Variants in NLGN1 observed in about 807,000 individuals in gnomAD.
NLGN1 encodes neuroligin 1.
Under a neutral mutation model 65.5 loss-of-function variants are expected in NLGN1, and 12 were observed. The ratio of observed to expected loss-of-function variants is 0.18; its 90% CI spans 0.12 to 0.30. The LOEUF (loss-of-function observed/expected upper bound fraction) is 0.30, where lower values mean the gene tolerates loss of function less well. Among genes scored for constraint, NLGN1 ranks in the 10% least tolerant of loss-of-function variants. NLGN1 has a pLI of 1.00. For missense variants in NLGN1, 750 were observed against 1,007.1 expected (o/e 0.74, Z 3.46); for synonymous variants, 350 against 359.5 (o/e 0.97, Z 0.30).
At chr3:173,524,147 C>T (rs895221162) in intron 2 of NLGN1, among the ~76,000 whole-genome samples, 17 of 151,394 alleles carry the variant, frequency 1.1e-4, no homozygotes, top group African/African-American at 2.4e-4. Context: ...AGGATGGTCT[C>T]GATCTCCTGA....
chr3:174,112,225 C>G (rs1576933007), intron 4 of NLGN1, among the ~76,000 whole-genome samples: 1 of 151,654 alleles, frequency 6.6e-6, no homozygotes, highest in African/African-American at 2.4e-5. Context: ...TGAAACTTTA[C>G]AAGGTTGAAA....
chr3:174,084,769 C>G (rs1054695016), intron 4 of NLGN1, among the ~76,000 whole-genome samples: 1 of 152,012 alleles, frequency 6.6e-6, no homozygotes, highest in Non-Finnish European at 1.5e-5. Context: ...AAAGTTTACA[C>G]TTTTGTAATT....
intron 4 of NLGN1, among the ~76,000 whole-genome samples, chr3:174,269,889 G>A (rs1203154057): frequency 6.6e-6 from 1 of 151,836 alleles, no homozygotes; most frequent in East Asian, 1.9e-4. Flanking sequence ...ATATCACAGT[G>A]TGGGTTTGAT....
intron 2 of NLGN1, among the ~76,000 whole-genome samples, chr3:173,562,444 G>C (rs993267697): frequency 6.6e-6 from 1 of 152,000 alleles, no homozygotes; most frequent in Non-Finnish European, 1.5e-5. Flanking sequence ...GTGCGCACCT[G>C]TAGTCCCAGC....
chr3:173,658,108 T>C (rs1760357210), intron 3 of NLGN1, among the ~76,000 whole-genome samples: 3 of 151,990 alleles, frequency 2.0e-5, no homozygotes, highest in Non-Finnish European at 4.4e-5. Context: ...ACAGGCATGG[T>C]GACAGTCTAC....
chr3:173,564,419 G>GAGT (rs1351214487), intron 2 of NLGN1, among the ~76,000 whole-genome samples: 2 of 152,200 alleles, frequency 1.3e-5, no homozygotes, highest in African/African-American at 4.8e-5. Context: ...TACTAACTGT[G>GAGT]TAAAACATTA....
chr3:173,846,937 A>C (rs4355309), intron 4 of NLGN1, among the ~76,000 whole-genome samples: 1 of 152,064 alleles, frequency 6.6e-6, no homozygotes, highest in African/African-American at 2.4e-5. Flanking sequence ...TCAAGGAATC[A>C]TGGTAGTAAA....
At chr3:173,632,388 C>G (rs1031727824) in intron 3 of NLGN1, among the ~76,000 whole-genome samples, 1 of 152,112 alleles carries the variant, frequency 6.6e-6, no homozygotes, top group Non-Finnish European at 1.5e-5. Flanking sequence ...AATCAAGTGA[C>G]GAAGTTCATC....
intron 3 of NLGN1, among the ~76,000 whole-genome samples, chr3:173,680,772 A>T (rs1438406989): frequency 6.6e-6 from 1 of 152,192 alleles, no homozygotes; most frequent in Non-Finnish European, 1.5e-5. Flanking sequence ...AACTGAAGTA[A>T]CTTTGGGAGG....
At chr3:173,407,726 T>G (rs999551274) in intron 1 of NLGN1, among the ~76,000 whole-genome samples, 6 of 152,198 alleles carry the variant, frequency 3.9e-5, no homozygotes, top group African/African-American at 1.4e-4. Context: ...CCATTCTAGA[T>G]TCTTTCAAAA....
intron 3 of NLGN1, among the ~76,000 whole-genome samples, chr3:173,634,636 G>A (rs755439726): frequency 6.6e-6 from 1 of 152,162 alleles, no homozygotes; most frequent in African/African-American, 2.4e-5. Context: ...TTTTCACCTT[G>A]AAAATGTATT....
Position 174,187,657 on chromosome 3 carries a change from A to T in NLGN1, c.647-87658A>T, listed in dbSNP as rs142598318. ...TAATTCACAAGGCCAGGAGATCGGA[A>T]ATTATTAATTTTCTTCACAATTATG... On this transcript the variant is annotated intron_variant, in intron 4 of 6. Coordinates refer to ENST00000457714, the Ensembl canonical transcript of NLGN1. Among the ~76,000 whole-genome samples, 231 of 152,132 alleles carry T rather than the reference A, an allele frequency of 1.5e-3. 1 individual carries two copies. Among genetic ancestry groups the T allele is most frequent in the African/African-American group, 5.3e-3 (221 of 41,556 alleles).
In NLGN1 at chr3:174,280,814, A is replaced by T; in HGVS notation, c.1983A>T (p.Gln661His). ...CCAAGCAGGATGATCCCAAACAACA[A>T]CCAAGTCCATTTTCAGTGGATCAAA... The change falls in exon 7 of 7, where the codon CAA becomes CAT. Residue 661 changes from glutamine to histidine, a missense_variant. By Grantham distance (24) the Gln-to-His change is conservative (BLOSUM62 0). Transcript: ENST00000457714. The surrounding 1 kb of genome is among the most constrained non-coding windows in gnomAD (Gnocchi z 4.9). 6.2e-7 allele frequency: 1 copy of T among 1,613,382 alleles called. No individual in the cohort carries two copies. Among genetic ancestry groups the T allele is most frequent in the Non-Finnish European group, 8.5e-7 (1 of 1,179,582 alleles).
chr3:173,508,100 G>T (rs1268167820), intron 2 of NLGN1, among the ~76,000 whole-genome samples: 1 of 152,094 alleles, frequency 6.6e-6, no homozygotes, highest in Non-Finnish European at 1.5e-5. Flanking sequence ...CCACTTTAGG[G>T]TTCTTTTGTC....
chr3:173,441,647 C>T (rs1001121631), intron 2 of NLGN1, among the ~76,000 whole-genome samples: 7 of 151,980 alleles, frequency 4.6e-5, no homozygotes, highest in South Asian at 2.1e-4. Flanking sequence ...TTCCAACACC[C>T]GGGCACAATC....
rs577020513 is a variant in NLGN1, at chr3:174,277,695, A to T, written c.860-1166A>T. ...AACAAATGTATATTAATACTGTTAG[A>T]TTTTTTTAATATCTTCAGAATTATA... On this transcript the variant is annotated intron_variant, in intron 5 of 6. Coordinates refer to ENST00000457714, the Ensembl canonical transcript of NLGN1. Among the ~76,000 whole-genome samples, 409 of 151,982 alleles carry T rather than the reference A, an allele frequency of 2.7e-3. 3 individuals carry two copies. The highest frequency in any genetic ancestry group is 4.6e-3 in the Non-Finnish European group (315 of 67,894).
At chr3:174,043,387 G>A (rs1732792857) in intron 4 of NLGN1, among the ~76,000 whole-genome samples, 1 of 151,992 alleles carries the variant, frequency 6.6e-6, no homozygotes, top group African/African-American at 2.4e-5. Flanking sequence ...CTGAGACAAG[G>A]CAAGTCTTTT....
At chr3:173,995,161 C>T (rs185640164) in intron 4 of NLGN1, among the ~76,000 whole-genome samples, 10 of 152,250 alleles carry the variant, frequency 6.6e-5, no homozygotes, top group African/African-American at 1.4e-4. Context: ...AGCCAAGAAA[C>T]GTTTTATCCA....
At chr3:173,718,423 C>G (rs1273061944) in intron 3 of NLGN1, among the ~76,000 whole-genome samples, 1 of 152,058 alleles carries the variant, frequency 6.6e-6, no homozygotes, top group African/African-American at 2.4e-5. Context: ...TGGCTTATTT[C>G]ACTTAACATA....
Sources: gnomAD v4.1 joint callset for allele counts (sites outside exome capture counted in the v4.1 genomes callset) on GRCh38, gnomAD v4.1.1 for gene constraint, Gnocchi (gnomAD v3.1) non-coding constraint, MANE v1.5 for transcripts, NCBI Gene and HGNC (gene_info 2026-07-23, HGNC 2026-07-21) for gene names.